Variants in TRMT1L observed in about 807,000 individuals in gnomAD.
TRMT1L encodes tRNA (guanine(27)-N(2))-dimethyltransferase.
In TRMT1L, 28 loss-of-function variants were observed where a neutral mutation model predicts 81.6. The observed-to-expected ratio is 0.34, with a 90% CI of 0.25 to 0.47. The LOEUF is 0.47. Among genes scored for constraint, TRMT1L ranks in the 20% least tolerant of loss-of-function variants. The pLI, the probability that TRMT1L is intolerant of heterozygous loss-of-function variation, is 1.00. For missense variants in TRMT1L, 739 were observed against 877.1 expected, an observed-to-expected ratio of 0.84 and a Z score of 1.99; for synonymous variants, 301 against 303.2, an observed-to-expected ratio of 0.99 and a Z score of 0.07.
In TRMT1L at chr1:185,156,597, G is replaced by A; in HGVS notation, c.116C>T (p.Pro39Leu). Residue 39 changes from proline to leucine, a missense_variant, in exon 1 of 15, where the codon CCG (proline) becomes CTG (leucine). Pro to Leu is a moderately conservative substitution (Grantham distance 98). Around this residue, in one of 4 missense-constraint regions of TRMT1L, gnomAD observed 209 missense variants for 165.4 expected, o/e 1.26. Coordinates refer to ENST00000367506, the MANE Select transcript of TRMT1L (RefSeq NM_030934.5). ...RDSAGVPAPA[P>L]DSALDSAPTP... Reference sequence around the variant, plus strand: ...CGGAGCCGAGTCCAGAGCCGAATCCGGGGCCGGAGCTGGGACCCCAGCCGA... The same window carrying A: ...CGGAGCCGAGTCCAGAGCCGAATCCAGGGCCGGAGCTGGGACCCCAGCCGA... 6.3e-7 allele frequency: 1 copy of A among 1,597,430 alleles called. No homozygotes were observed. The highest frequency in any genetic ancestry group is 8.5e-7 in the Non-Finnish European group (1 of 1,172,132).
Position 185,137,724 on chromosome 1 carries a change from A to G in TRMT1L, c.1395T>C (p.Val465=). Residue 465 remains valine (V), a synonymous_variant, in exon 10 of 15, where the codon GTT becomes GTC. Coordinates refer to ENST00000367506, the MANE Select transcript of TRMT1L (RefSeq NM_030934.5). ...AVALEHFVLV[V]VRVLRGPTSA... is the part of the protein sequence containing the mutation. ...AAGTAGGTCCCCTCAAAACTCTCAC[A>G]ACTACCAACACAAAATGTTCCAGAG... 1 of 1,614,138 alleles carries G rather than the reference A, an allele frequency of 6.2e-7. No homozygotes were observed. Among genetic ancestry groups the G allele is most frequent in the Non-Finnish European group, 8.5e-7 (1 of 1,180,014 alleles).
At chr1:185,141,395 G>A (rs1653038415) in intron 7 of TRMT1L, among the ~76,000 whole-genome samples, 1 of 152,188 alleles carries the variant, frequency 6.6e-6, no homozygotes, top group Non-Finnish European at 1.5e-5. Flanking sequence ...TAGCTTTAAT[G>A]ACTTCAGATT....
Position 185,119,987 on chromosome 1 carries a change from A to T in TRMT1L, c.*32T>A, listed in dbSNP as rs140171040. Reference sequence around the variant, plus strand: ...TATAGAGAACTATTAGGCCATCTATACAGACACCTGAGAACCAATTCTTCT... The same window carrying T: ...TATAGAGAACTATTAGGCCATCTATTCAGACACCTGAGAACCAATTCTTCT... On this transcript the variant is annotated 3_prime_UTR_variant, in exon 15 of 15. Coordinates refer to ENST00000367506, the MANE Select transcript of TRMT1L (RefSeq NM_030934.5). The T allele has an allele frequency of 5.1e-5, 82 of 1,609,038 alleles. 1 individual carries two copies. The African/African-American group carries it at 1.0e-3, about 20-fold the overall frequency.
chr1:185,151,761 G>T, intron 2 of TRMT1L, 64 bp downstream of exon 2: 1 of 1,076,350 alleles, frequency 9.3e-7, no homozygotes, highest in Non-Finnish European at 1.3e-6. Flanking sequence ...ACTTATTTTT[G>T]TGAATTGAAA....
intron 10 of TRMT1L, among the ~76,000 whole-genome samples, chr1:185,128,970 T>C (rs186715591): frequency 6.6e-6 from 1 of 152,256 alleles, no homozygotes; most frequent in Non-Finnish European, 1.5e-5. Flanking sequence ...ATATATTTTT[T>C]TAATTTAAGT....
intron 11 of TRMT1L, 56 bp from the exon 12 acceptor site, chr1:185,125,166 A>G: frequency 7.2e-7 from 1 of 1,379,798 alleles, no homozygotes; most frequent in Non-Finnish European, 9.8e-7. Context: ...CTCTTTAAAA[A>G]GAAAGTCTTC....
intron 8 of TRMT1L, 45 bp downstream of exon 8, chr1:185,139,928 T>A: frequency 6.5e-7 from 1 of 1,549,810 alleles, no homozygotes; most frequent in Non-Finnish European, 8.7e-7. Context: ...TCCCCAAAAT[T>A]TCAGATAAGT....
At chr1:185,147,626 C>T (rs1203091779) in intron 3 of TRMT1L, among the ~76,000 whole-genome samples, 1 of 152,138 alleles carries the variant, frequency 6.6e-6, no homozygotes, top group African/African-American at 2.4e-5. Context: ...TGCCATTATA[C>T]AGACCCTTCT....
chr1:185,128,953 CACAT>C (rs1406119678), intron 10 of TRMT1L, among the ~76,000 whole-genome samples: 2 of 151,966 alleles, frequency 1.3e-5, no homozygotes, highest in Non-Finnish European at 2.9e-5. Context: ...TGCACACACA[CACAT>C]ATATATATTT....
intron 9 of TRMT1L, 117 bp from the exon 10 acceptor site, chr1:185,137,913 A>C: frequency 3.2e-6 from 3 of 941,686 alleles, no homozygotes; most frequent in Non-Finnish European, 4.6e-6. Flanking sequence ...CATCAAGAAA[A>C]ATTCAATTCT....
intron 13 of TRMT1L, among the ~76,000 whole-genome samples, chr1:185,121,439 C>T (rs1347401998): frequency 6.7e-6 from 1 of 150,220 alleles, no homozygotes; most frequent in Non-Finnish European, 1.5e-5. Context: ...GAGACCCTGT[C>T]TCTTAAAAAA....
At chr1:185,147,757 A>AT (rs1470029909) in intron 3 of TRMT1L, among the ~76,000 whole-genome samples, 4 of 151,832 alleles carry the variant, frequency 2.6e-5, no homozygotes, top group African/African-American at 9.7e-5. Flanking sequence ...TGGCTAAGTG[A>AT]TTTTTTTTCT....
rs1196592084 is a variant in TRMT1L at position 185,124,603 on chromosome 1, G to A, written c.1759+341C>T. Among the ~76,000 whole-genome samples, 3 of 151,774 alleles carry A rather than the reference G, an allele frequency of 2.0e-5. No homozygotes were observed. In the East Asian group the frequency reaches 5.8e-4, roughly 29 times the overall value. ...ACACAGGAGGTTGAGGCTGAGGCAA[G>A]AGGACTGCCTGAGTCTAGGAGGTTG... On this transcript the variant is annotated intron_variant, in intron 12 of 14. Transcript: ENST00000367506.
chr1:185,137,377 C>T (rs1043481378), intron 10 of TRMT1L: 3 of 602,282 alleles, frequency 5.0e-6, no homozygotes, highest in Non-Finnish European at 8.9e-6. Flanking sequence ...CTAGATGTTT[C>T]GATAGAAGGC....
rs1290595453 is a variant in TRMT1L at position 185,120,106 on chromosome 1, G to A, written c.2115C>T (p.Val705=). 6.2e-7 allele frequency: 1 copy of A among 1,613,956 alleles called. No individual in the cohort carries two copies. Residue 705 remains valine, a synonymous_variant, in exon 15 of 15, where the codon GTC becomes GTT. Transcript: ENST00000367506. Reference sequence around the variant, plus strand: ...TTACTGTATCTTCAGATGCTGACTGGACATGGCTTTCTGACTGTCCTCCAG... The same window carrying A: ...TTACTGTATCTTCAGATGCTGACTGAACATGGCTTTCTGACTGTCCTCCAG... The part of the protein sequence containing the change: ...TYTGGQSESH[V]QSASEDTVTE...
At chr1:185,147,269 A>G in intron 3 of TRMT1L, 23 bp from the exon 4 acceptor site, 1 of 1,566,348 alleles carries the variant, frequency 6.4e-7, no homozygotes, top group Non-Finnish European at 8.7e-7. Flanking sequence ...ATGGCTGGTT[A>G]TCATACATTG....
At chr1:185,122,777 T>A (rs12025995) in intron 13 of TRMT1L, among the ~76,000 whole-genome samples, 14,898 of 150,540 alleles carry the variant, frequency 0.099, 958 homozygotes, top group East Asian at 0.25. Context: ...CTCTGCCTCC[T>A]GGGTTCAGGC....
upstream of TRMT1L, chr1:185,157,503 T>G (rs1371112542): frequency 6.6e-6 from 1 of 152,478 alleles, no homozygotes; most frequent in Non-Finnish European, 1.5e-5. Flanking sequence ...TGGCCCGGCT[T>G]GCCTCCGGGG....
At chr1:185,126,435 C>T (rs1286258388) in intron 11 of TRMT1L, among the ~76,000 whole-genome samples, 1 of 152,112 alleles carries the variant, frequency 6.6e-6, no homozygotes, top group African/African-American at 2.4e-5. Flanking sequence ...GCTGGGATTA[C>T]AGGCATGAAC....
Sources: allele counts gnomAD v4.1 joint callset (sites outside exome capture counted in the v4.1 genomes callset), GRCh38; gene constraint gnomAD v4.1.1; regional missense constraint gnomAD v4.1.1; transcripts MANE v1.5; gene names NCBI Gene and HGNC (gene_info 2026-07-23, HGNC 2026-07-21).